CHD2: variants seen among roughly 807,000 people sequenced by gnomAD.
The protein encoded by CHD2 is ATP-dependent chromatin remodeler CHD2.
A neutral mutation model predicts 243.9 loss-of-function variants in CHD2; 28 were observed. The ratio of observed to expected loss-of-function variants is 0.11; its 90% CI spans 0.09 to 0.16. CHD2 has a LOEUF of 0.16. Ranked by LOEUF, CHD2 falls within the 10% of genes least tolerant of loss-of-function variation. CHD2 has a pLI of 1.00. For synonymous variants in CHD2, 775 were observed against 779.0 expected (o/e 0.99, Z 0.09); for missense variants, 1,386 against 2,209.8 (o/e 0.63, Z 7.47).
intron 33 of CHD2, among the ~76,000 whole-genome samples, chr15:93,002,618 A>G (rs926318587): frequency 3.9e-5 from 6 of 152,250 alleles, no homozygotes; most frequent in Non-Finnish European, 5.9e-5. Flanking sequence ...ACATGTAAAT[A>G]CGAAATACGT....
chr15:92,939,760 A>G (rs1467864036), intron 7 of CHD2, 42 bp downstream of exon 7: 2 of 1,588,328 alleles, frequency 1.3e-6, no homozygotes, highest in Admixed American at 1.8e-5. Flanking sequence ...GTGATGTGAT[A>G]AAGTAGTTGG....
rs1341464080 is a variant in CHD2 at position 92,980,191 on chromosome 15, T to TGC, written c.2877-623_2877-622dup. Among the ~76,000 whole-genome samples the TGC allele has an allele frequency of 8.0e-5, 12 of 150,424 alleles. No homozygotes were observed. In the South Asian group the frequency reaches 1.9e-3, roughly 24 times the overall value. On this transcript the variant is annotated intron_variant, in intron 22 of 38. Transcript: ENST00000394196. ...TCCCGAGTAGCTGGGACTACAGGTG[T>TGC]GCACCACCACACCTAGCTAATTTTT...
At chr15:92,931,645 G>A (rs1473264855) in intron 5 of CHD2, among the ~76,000 whole-genome samples, 1 of 152,062 alleles carries the variant, frequency 6.6e-6, no homozygotes, top group African/African-American at 2.4e-5. Flanking sequence ...AAAGTGTTGG[G>A]ATTAGCATAC....
chr15:92,919,940 C>G (rs2052922778), intron 2 of CHD2, among the ~76,000 whole-genome samples: 1 of 152,122 alleles, frequency 6.6e-6, no homozygotes, highest in African/African-American at 2.4e-5. Flanking sequence ...CTCCCTCAAC[C>G]CCTAAAGGCA....
chr15:92,958,865 G>A (rs74493877), intron 16 of CHD2, among the ~76,000 whole-genome samples: 2,217 of 152,250 alleles, frequency 0.015, 51 homozygotes, highest in African/African-American at 0.051. Context: ...CATGATAAGC[G>A]TTCTGAGCAC....
chr15:92,942,055 G>A (rs1182064583), intron 8 of CHD2, 100 bp downstream of exon 8: 3 of 1,147,594 alleles, frequency 2.6e-6, no homozygotes, highest in South Asian at 1.5e-5. Flanking sequence ...GTCTACTGCT[G>A]TATTTGTTGT....
At chr15:93,010,368 T>G (rs2054375604) in intron 35 of CHD2, among the ~76,000 whole-genome samples, 1 of 152,086 alleles carries the variant, frequency 6.6e-6, no homozygotes, top group Admixed American at 6.6e-5. Context: ...TGGATATATA[T>G]CCACTGTCCA....
Position 92,996,994 on chromosome 15 carries a change from G to A in CHD2, c.3633G>A (p.Lys1211=). 4 of 1,613,094 alleles carry A rather than the reference G, an allele frequency of 2.5e-6. No individual in the cohort carries two copies. The highest frequency in any genetic ancestry group is 2.5e-6 in the Non-Finnish European group (3 of 1,179,746). The part of the protein sequence containing the change: ...GPGKRRGPTI[K]ISGVQVNVKS... ...GGAAAAGGAGAGGTCCAACAATCAA[G>A]ATATCCGGAGTTCAGGTTAATGTGA... The change falls in exon 29 of 39, where the codon AAG becomes AAA. Residue 1211 remains lysine, a synonymous_variant. Transcript: ENST00000394196.
Position 93,014,679 on chromosome 15 carries a change from T to A in CHD2, c.4693-17T>A. On this transcript the variant is annotated splice_polypyrimidine_tract_variant and intron_variant, in intron 36 of 38. Coordinates refer to ENST00000394196, the MANE Select transcript of CHD2 (RefSeq NM_001271.4). ...GCCTGGGATCTTGAGCTTCTTTGGTTTCCTTTTACTCTTTAGGAGCAAAAG... is the reference window on the plus strand; with the variant it reads ...GCCTGGGATCTTGAGCTTCTTTGGTATCCTTTTACTCTTTAGGAGCAAAAG... The A allele has an allele frequency of 6.2e-7, 1 of 1,608,542 alleles. No individual in the cohort carries two copies. Among genetic ancestry groups the A allele is most frequent in the Non-Finnish European group, 8.5e-7 (1 of 1,177,274 alleles).
intron 11 of CHD2, 56 bp downstream of exon 11, chr15:92,945,921 T>A (rs923084247): frequency 6.3e-5 from 93 of 1,481,692 alleles, no homozygotes; most frequent in Non-Finnish European, 8.3e-5. Flanking sequence ...CAGTGTATGT[T>A]TTGCAGATTA....
At chr15:92,996,847 A>G (rs1596446892) in intron 28 of CHD2, 110 bp from the exon 29 acceptor site, 1 of 1,051,644 alleles carries the variant, frequency 9.5e-7, no homozygotes, top group East Asian at 2.7e-5. Flanking sequence ...AAATAACAAT[A>G]AGCCAGAGAT....
At chr15:93,009,751 A>G (rs1359791313) in intron 35 of CHD2, among the ~76,000 whole-genome samples, 1 of 152,262 alleles carries the variant, frequency 6.6e-6, no homozygotes, top group Non-Finnish European at 1.5e-5. Context: ...TAAAACCGCA[A>G]GAACTATGAG....
Position 92,984,516 on chromosome 15 carries a change from G to T in CHD2, c.3237+16G>T. The T allele has an allele frequency of 1.3e-6, 2 of 1,596,164 alleles. No individual in the cohort carries two copies. The highest frequency in any genetic ancestry group is 1.1e-5 in the South Asian group (1 of 87,844). On this transcript the variant is annotated intron_variant, in intron 25 of 38. Coordinates refer to ENST00000394196, the MANE Select transcript of CHD2 (RefSeq NM_001271.4). ...CACTAAAAAGGTGATCAAGTGAGAT[G>T]AAAGATATGAAATTATTTCTTATGT...
In CHD2 at chr15:93,003,577, CT is replaced by C. The variant is rs777417349; in HGVS notation, c.4279-1025del. Reference sequence around the variant, plus strand: ...ATTTTTTCATGTTTACTTTAAGTGGCTTTTTTTTTTTTTTTGGCGGGGCCAG... The same window carrying C: ...ATTTTTTCATGTTTACTTTAAGTGGCTTTTTTTTTTTTTTGGCGGGGCCAG... On this transcript the variant is annotated intron_variant, in intron 33 of 38. Transcript: ENST00000394196. Among the ~76,000 whole-genome samples, 353 of 128,298 alleles carry C rather than the reference CT, an allele frequency of 2.8e-3. 1 individual carries two copies. Among genetic ancestry groups the C allele is most frequent in the Middle Eastern group, 3.9e-3 (1 of 256 alleles). 84.2% of individuals were successfully genotyped at this position (128,298 alleles called of 152,430 possible). A position where few individuals can be genotyped will look rare whatever the true frequency, so the allele number is the denominator to read the frequency against.
chr15:92,946,300 T>C, intron 12 of CHD2, 84 bp downstream of exon 12: 1 of 1,102,270 alleles, frequency 9.1e-7, no homozygotes, highest in Admixed American at 3.0e-5. Flanking sequence ...GAGAAAATAT[T>C]ACAAAATGAA....
At chr15:93,006,288 G>A (rs1362576578) in intron 34 of CHD2, among the ~76,000 whole-genome samples, 2 of 151,760 alleles carry the variant, frequency 1.3e-5, no homozygotes, top group Admixed American at 6.6e-5. Context: ...CACCACACCC[G>A]GCTAACTTTT....
intron 37 of CHD2, among the ~76,000 whole-genome samples, chr15:93,018,922 C>A (rs975984588): frequency 7.2e-5 from 11 of 152,208 alleles, no homozygotes; most frequent in African/African-American, 2.7e-4. Context: ...AAATCACACT[C>A]ACAGGCTCTG....
chr15:93,012,544 A>C, intron 36 of CHD2, 100 bp downstream of exon 36: 3 of 761,226 alleles, frequency 3.9e-6, no homozygotes, highest in Non-Finnish European at 6.3e-6. Context: ...TCACAGAATC[A>C]TGGGTTATTG....
At chr15:92,981,051 G>A (rs558912419) in intron 23 of CHD2, 140 bp downstream of exon 23, 544 of 670,710 alleles carry the variant, frequency 8.1e-4, no homozygotes, top group Non-Finnish European at 1.3e-3. Context: ...TCTTTCGTAG[G>A]AATCTCATAG....
Sources: gnomAD v4.1 joint callset for allele counts (sites outside exome capture counted in the v4.1 genomes callset) on GRCh38, gnomAD v4.1.1 for gene constraint, MANE v1.5 for transcripts, NCBI Gene and HGNC (gene_info 2026-07-23, HGNC 2026-07-21) for gene names.